PRM2: variants seen among roughly 807,000 people sequenced by gnomAD.
PRM2 encodes protamine-2.
PRM2 carries 6 observed loss-of-function variants against 10.7 expected under a neutral mutation model. That is an observed-to-expected ratio of 0.56 (90% confidence interval 0.31 to 1.11). The LOEUF (loss-of-function observed/expected upper bound fraction) is 1.11, where lower values mean the gene tolerates loss of function less well. PRM2 is among the 50% of genes least tolerant of loss of function. The pLI is 0.06. For synonymous variants in PRM2, 64 were observed against 54.8 expected (o/e 1.17, Z -0.74); for missense variants, 194 against 147.7 (o/e 1.31, Z -1.62).
At position 11,275,672 on chromosome 16, in the gene PRM2, T is replaced by C. The variant is rs147095291; in HGVS notation, c.*228A>G. 2.7e-4 allele frequency: 278 copies of C among 1,038,574 alleles called. No individual in the cohort carries two copies. In the African/African-American group the frequency reaches 3.9e-3, roughly 15 times the overall value. The allele number at this position is 1,038,574 out of a possible 1,614,324, so 64.3% of individuals were successfully genotyped here. On this transcript the variant is annotated 3_prime_UTR_variant, in exon 2 of 2. Transcript: ENST00000241808. Reference sequence around the variant, plus strand: ...CAAGCTTTATTGGGCAGGTGACTTTTGCTCGTTTCACTCAGATCTTGTGGG... The same window carrying C: ...CAAGCTTTATTGGGCAGGTGACTTTCGCTCGTTTCACTCAGATCTTGTGGG...
Position 11,276,386 on chromosome 16 carries a change from G to C in PRM2, c.-16C>G. On this transcript the variant is annotated 5_prime_UTR_variant, in exon 1 of 2. Transcript: ENST00000241808. ...ATCGGACCATGGTGTTGGGAGATCT[G>C]GTGGCTCCTGGGCTGAGGCTGCAGT... is the stretch of plus-strand genomic sequence containing the variant. The C allele has an allele frequency of 6.2e-7, 1 of 1,613,932 alleles. No individual in the cohort carries two copies. Among genetic ancestry groups the C allele is most frequent in the Non-Finnish European group, 8.5e-7 (1 of 1,179,898 alleles).
At position 11,275,965 on chromosome 16, in the gene PRM2, G is replaced by A. The variant is rs115686767; in HGVS notation, c.272-28C>T. On this transcript the variant is annotated intron_variant, in intron 1 of 1. Transcript: ENST00000241808. ...TTTGGGAAAGAAAGTTCTGGTTGAG[G>A]GGGTCACCTAGGGACTCTGGGTGGG... The A allele has an allele frequency of 5.2e-3, 8,461 of 1,613,958 alleles. 348 individuals carry two copies. In the African/African-American group the frequency reaches 0.091, roughly 17 times the overall value.
chr16:11,276,164 C>T lies in PRM2; in HGVS notation c.207G>A (p.Arg69=), dbSNP rs367764143. ...SRRRLHRIHR[R]QHRSCRRRKR... ...TGCGCCTTCTGCAGGAGCGATGCTG[C>T]CGCCTGTGGATCCGGTGCAGCCTCC... is the stretch of plus-strand genomic sequence containing the variant. The change falls in exon 1 of 2, where the codon CGG becomes CGA. Residue 69 remains arginine, a synonymous_variant. Coordinates refer to ENST00000241808, the MANE Select transcript of PRM2 (RefSeq NM_002762.4). The T allele has an allele frequency of 7.4e-6, 12 of 1,613,818 alleles. No homozygotes were observed. The highest frequency in any genetic ancestry group is 1.1e-5 in the South Asian group (1 of 91,088).
Position 11,276,395 on chromosome 16 carries a change from T to G in PRM2, c.-25A>C. On this transcript the variant is annotated 5_prime_UTR_variant, in exon 1 of 2. Coordinates refer to ENST00000241808, the MANE Select transcript of PRM2 (RefSeq NM_002762.4). ...TGGTGTTGGGAGATCTGGTGGCTCCTGGGCTGAGGCTGCAGTGGGCCCTGG... is the reference window on the plus strand; with the variant it reads ...TGGTGTTGGGAGATCTGGTGGCTCCGGGGCTGAGGCTGCAGTGGGCCCTGG... The G allele has an allele frequency of 6.2e-7, 1 of 1,613,716 alleles. No homozygotes were observed.
In PRM2 at chr16:11,275,688, A is replaced by C; in HGVS notation, c.*212T>G. ...GGTGACTTTTGCTCGTTTCACTCAG[A>C]TCTTGTGGGCTTCTCGGCGGCAACT... is the stretch of plus-strand genomic sequence containing the variant. On this transcript the variant is annotated 3_prime_UTR_variant, in exon 2 of 2. Transcript: ENST00000241808. 1.7e-6 allele frequency: 2 copies of C among 1,211,768 alleles called. 1 individual carries two copies. The allele number at this position is 1,211,768 out of a possible 1,614,324, so 75.1% of individuals were successfully genotyped here.
In PRM2 at chr16:11,275,663, G is replaced by T. The variant is rs1387661350; in HGVS notation, c.*237C>A. 2 of 938,696 alleles carry T rather than the reference G, an allele frequency of 2.1e-6. No individual in the cohort carries two copies. The highest frequency in any genetic ancestry group is 3.2e-6 in the Non-Finnish European group (2 of 630,326). The allele number at this position is 938,696 out of a possible 1,614,324, so 58.1% of individuals were successfully genotyped here. The stretch of plus-strand genomic sequence containing the variant: ...GTGTCTTGTCAAGCTTTATTGGGCA[G>T]GTGACTTTTGCTCGTTTCACTCAGA... On this transcript the variant is annotated 3_prime_UTR_variant, in exon 2 of 2. Coordinates refer to ENST00000241808, the MANE Select transcript of PRM2 (RefSeq NM_002762.4).
In PRM2 at chr16:11,275,888, G is replaced by A; in HGVS notation, c.*12C>T. ...TCTTAATTTCCAGCTGGGGGTGAGG[G>A]GCCCAGGAAGCTTAGTGCCTTCTGC... On this transcript the variant is annotated 3_prime_UTR_variant, in exon 2 of 2. Transcript: ENST00000241808. The A allele has an allele frequency of 6.2e-7, 1 of 1,614,060 alleles. No homozygotes were observed. Among genetic ancestry groups the A allele is most frequent in the Non-Finnish European group, 8.5e-7 (1 of 1,180,012 alleles).
In PRM2 at chr16:11,276,455, C is replaced by T. The variant is rs539592598; in HGVS notation, c.-85G>A. On this transcript the variant is annotated 5_prime_UTR_variant, in exon 1 of 2. Coordinates refer to ENST00000241808, the MANE Select transcript of PRM2 (RefSeq NM_002762.4). ...GGAGGGCGGAGGCCTGCCCACCTGCCCTTGGTGTTACTGTTGGTCTGGTCT... is the reference window on the plus strand; with the variant it reads ...GGAGGGCGGAGGCCTGCCCACCTGCTCTTGGTGTTACTGTTGGTCTGGTCT... The T allele has an allele frequency of 5.1e-6, 8 of 1,569,498 alleles. No homozygotes were observed. The South Asian group carries it at 7.9e-5, about 16-fold the overall frequency.
At chr16:11,276,046 C>A in intron 1 of PRM2, 54 bp downstream of exon 1, 5 of 1,610,886 alleles carry the variant, frequency 3.1e-6, no homozygotes, top group Non-Finnish European at 3.4e-6. Context: ...CCGCCTCCCT[C>A]CTGTGCCTGG....
Position 11,276,108 on chromosome 16 carries a change from T to C in PRM2, c.263A>G (p.His88Arg), listed in dbSNP as rs939582242. Residue 88 changes from histidine to arginine, a missense_variant, in exon 1 of 2, where the codon CAT becomes CGT. Transcript: ENST00000241808. ...CGGGGGCGCAGGCAGACCTCTGCGA[T>C]GCCTCCTCCGGTGCCTGCAGGAGCG... ...KRRSCRHRRR[H>R]RRGCRTRKRT... The C allele has an allele frequency of 5.6e-6, 9 of 1,611,484 alleles. No homozygotes were observed. Among genetic ancestry groups the C allele is most frequent in the Non-Finnish European group, 7.6e-6 (9 of 1,179,882 alleles).
chr16:11,276,337 G>A lies in PRM2; in HGVS notation c.34C>T (p.Arg12Cys), dbSNP rs758973416. The A allele has an allele frequency of 1.6e-5, 26 of 1,614,128 alleles. No individual in the cohort carries two copies. The East Asian group carries it at 3.1e-4, about 19-fold the overall frequency. The change falls in exon 1 of 2, where the codon CGC becomes TGC. Residue 12 changes from arginine (R) to cysteine (C), a missense_variant. Transcript: ENST00000241808. Reference sequence around the variant, plus strand: ...TGCTGCCTGTACACCTCGTGCGAGCGTTCGCTCAGGCTCCTCACGCGGTAT... The same window carrying A: ...TGCTGCCTGTACACCTCGTGCGAGCATTCGCTCAGGCTCCTCACGCGGTAT... Reference protein sequence around the residue: ...VRYRVRSLSERSHEVYRQQLH... With the variant: ...VRYRVRSLSECSHEVYRQQLH...
rs545828790 is a variant in PRM2 at position 11,275,852 on chromosome 16, G to T, written c.*48C>A. 1 of 1,613,294 alleles carries T rather than the reference G, an allele frequency of 6.2e-7. No homozygotes were observed. The highest frequency in any genetic ancestry group is 1.1e-5 in the South Asian group (1 of 90,682). On this transcript the variant is annotated 3_prime_UTR_variant, in exon 2 of 2. Coordinates refer to ENST00000241808, the MANE Select transcript of PRM2 (RefSeq NM_002762.4). ...TTGCTATGGCCTCACTTGGTGTTTC[G>T]GGCGACTTTTTCTTAATTTCCAGCT...
At chr16:11,276,076 G>A (rs529273547) in intron 1 of PRM2, 24 bp downstream of exon 1, 3 of 1,610,684 alleles carry the variant, frequency 1.9e-6, no homozygotes. Flanking sequence ...GGACATGCAG[G>A]GCAAGGCGGG....
At chr16:11,276,004 G>A (rs756778790) in intron 1 of PRM2, 67 bp from the exon 2 acceptor site, 66 of 1,612,060 alleles carry the variant, frequency 4.1e-5, no homozygotes, top group Non-Finnish European at 5.3e-5. Context: ...GGGGGTTAGG[G>A]GGCTGGAGCT....
Position 11,276,073 on chromosome 16 carries a change from C to G in PRM2, c.271+27G>C, listed in dbSNP as rs1646022. On this transcript the variant is annotated intron_variant, in intron 1 of 1. Coordinates refer to ENST00000241808, the MANE Select transcript of PRM2 (RefSeq NM_002762.4). ...TGTGCCTGGGGTGGTCAGGGACATG[C>G]AGGGCAAGGCGGGGGCGCAGGCAGA... is the stretch of plus-strand genomic sequence containing the variant. 678,672 of 1,609,666 alleles carry G rather than the reference C, an allele frequency of 0.42. 149,388 individuals carry two copies. Among genetic ancestry groups the G allele is most frequent in the Non-Finnish European group, 0.46 (544,997 of 1,179,086 alleles).
Position 11,275,855 on chromosome 16 carries a change from C to A in PRM2, c.*45G>T, listed in dbSNP as rs189897315. Reference sequence around the variant, plus strand: ...CTATGGCCTCACTTGGTGTTTCGGGCGACTTTTTCTTAATTTCCAGCTGGG... The same window carrying A: ...CTATGGCCTCACTTGGTGTTTCGGGAGACTTTTTCTTAATTTCCAGCTGGG... On this transcript the variant is annotated 3_prime_UTR_variant, in exon 2 of 2. Coordinates refer to ENST00000241808, the MANE Select transcript of PRM2 (RefSeq NM_002762.4). 8.7e-6 allele frequency: 14 copies of A among 1,613,338 alleles called. No individual in the cohort carries two copies. Among genetic ancestry groups the A allele is most frequent in the East Asian group, 2.2e-5 (1 of 44,892 alleles).
chr16:11,276,073 C>T (rs1646022), intron 1 of PRM2, 27 bp downstream of exon 1: 2 of 1,609,724 alleles, frequency 1.2e-6, no homozygotes, highest in East Asian at 4.5e-5. Flanking sequence ...CAGGGACATG[C>T]AGGGCAAGGC....
chr16:11,275,973 C>G, intron 1 of PRM2, 36 bp from the exon 2 acceptor site: 1 of 1,613,008 alleles, frequency 6.2e-7, no homozygotes, highest in Non-Finnish European at 8.5e-7. Flanking sequence ...AGGGGGTCAC[C>G]TAGGGACTCT....
chr16:11,275,746 T>C lies in PRM2; in HGVS notation c.*154A>G, dbSNP rs1197105808. On this transcript the variant is annotated 3_prime_UTR_variant, in exon 2 of 2. Coordinates refer to ENST00000241808, the MANE Select transcript of PRM2 (RefSeq NM_002762.4). ...TGAGCATTTGATGTAGGGGAGTTGC[T>C]ATGGCCTCACTCGGTGTTTCTTGGG... is the stretch of plus-strand genomic sequence containing the variant. The C allele has an allele frequency of 4.6e-6, 7 of 1,526,710 alleles. No individual in the cohort carries two copies. The highest frequency in any genetic ancestry group is 6.2e-6 in the Non-Finnish European group (7 of 1,124,204). 94.6% of individuals were successfully genotyped at this position (1,526,710 alleles called of 1,614,324 possible).
Sources: gnomAD v4.1 joint callset for allele counts on GRCh38, gnomAD v4.1.1 for gene constraint, MANE v1.5 for transcripts, NCBI Gene and HGNC (gene_info 2026-07-23, HGNC 2026-07-21) for gene names.